The following LGSN variants were observed in gnomAD, a reference collection of about 807,000 sequenced individuals.
LGSN encodes lengsin, lens protein with glutamine synthetase domain.
LGSN carries 21 observed loss-of-function variants against 19.5 expected under a neutral mutation model. That is an observed-to-expected ratio of 1.07 (90% confidence interval 0.76 to 1.55). The LOEUF (loss-of-function observed/expected upper bound fraction) is 1.55. Ranked by LOEUF, LGSN falls within the 40% of genes most tolerant of loss-of-function variation. The probability of loss-of-function intolerance (pLI) is 0.00; values close to 1 mark genes in which losing one functional copy is unlikely to be tolerated. For synonymous variants in LGSN, 257 were observed against 215.6 expected (o/e 1.19, Z -1.68); for missense variants, 673 against 608.5 (o/e 1.11, Z -1.12).
At chr6:63,499,389 T>C in the LGSN span, among the ~76,000 whole-genome samples, 1,372 of 152,256 alleles carry the variant, frequency 9.0e-3, 38 homozygotes, top group African/African-American at 0.031. Context: ...AGCAACACTG[T>C]GCTCAACTCT....
chr6:63,514,107 C>T, the LGSN span, among the ~76,000 whole-genome samples: 1 of 152,078 alleles, frequency 6.6e-6, no homozygotes, highest in Non-Finnish European at 1.5e-5. Context: ...ATCATTTGGT[C>T]CCTGGTCCTG....
the LGSN span, among the ~76,000 whole-genome samples, chr6:63,529,706 G>C: frequency 3.9e-5 from 6 of 152,152 alleles, no homozygotes; most frequent in Non-Finnish European, 7.4e-5. Context: ...CAAGGGTGGA[G>C]GAAAAGGTTA....
the LGSN span, among the ~76,000 whole-genome samples, chr6:63,479,285 A>G: frequency 6.2e-4 from 94 of 152,340 alleles, no homozygotes; most frequent in African/African-American, 2.0e-3. Flanking sequence ...GAAAGGAAGT[A>G]ATAGATGCTG....
chr6:63,497,918 C>CTTTTTTTTTTTTTTTTTTTTTTTTTTTTT, the LGSN span, among the ~76,000 whole-genome samples: 4 of 121,906 alleles, frequency 3.3e-5, no homozygotes, highest in Non-Finnish European at 6.4e-5. Context: ...TGTCATGTTT[C>CTTTTTTTTTTTTTTTTTTTTTTTTTTTTT]TTTTTTTTTT....
the LGSN span, among the ~76,000 whole-genome samples, chr6:63,360,763 GT>G: frequency 8.5e-5 from 13 of 152,114 alleles, no homozygotes; most frequent in South Asian, 2.1e-4. Flanking sequence ...TTTCTGCTCT[GT>G]TTTTTTCCCC....
intron 1 of LGSN, among the ~76,000 whole-genome samples, chr6:63,318,020 A>G (rs1290090371): frequency 1.3e-5 from 2 of 151,858 alleles, no homozygotes; most frequent in Non-Finnish European, 2.9e-5. Flanking sequence ...ATACACCCAT[A>G]GGATCTACTT....
rs186488094 is a variant in LGSN at position 63,286,688 on chromosome 6, T to C, written c.164-935A>G. Reference sequence around the variant, plus strand: ...TCAGGCAAATAGTACACATTATAAATGTTAGTTGCTGTCAGAACTTTTAGG... The same window carrying C: ...TCAGGCAAATAGTACACATTATAAACGTTAGTTGCTGTCAGAACTTTTAGG... On this transcript the variant is annotated intron_variant, in intron 2 of 3. Coordinates refer to ENST00000370657, the MANE Select transcript of LGSN (RefSeq NM_016571.3). Among the ~76,000 whole-genome samples, 30 of 152,356 alleles carry C rather than the reference T, an allele frequency of 2.0e-4. 1 individual carries two copies. The highest frequency in any genetic ancestry group is 5.9e-4 in the Admixed American group (9 of 15,302).
At chr6:63,475,080 A>G in the LGSN span, among the ~76,000 whole-genome samples, 1 of 152,144 alleles carries the variant, frequency 6.6e-6, no homozygotes, top group Admixed American at 6.5e-5. Context: ...CCACTGTAAG[A>G]ACAATGACCT....
chr6:63,535,486 A>G, the LGSN span, among the ~76,000 whole-genome samples: 1 of 152,158 alleles, frequency 6.6e-6, no homozygotes, highest in African/African-American at 2.4e-5. Context: ...AAAAAAAGCA[A>G]TAATATGCAT....
the LGSN span, among the ~76,000 whole-genome samples, chr6:63,444,609 G>A: frequency 6.6e-6 from 1 of 152,168 alleles, no homozygotes; most frequent in African/African-American, 2.4e-5. Context: ...CCAGAAACTA[G>A]AAGGCCATTC....
At chr6:63,391,558 C>T in the LGSN span, among the ~76,000 whole-genome samples, 1 of 152,188 alleles carries the variant, frequency 6.6e-6, no homozygotes, top group Non-Finnish European at 1.5e-5. Flanking sequence ...ACCTCAAGGT[C>T]TGTGTTAGCT....
At chr6:63,391,946 T>C in the LGSN span, among the ~76,000 whole-genome samples, 13 of 152,282 alleles carry the variant, frequency 8.5e-5, no homozygotes, top group South Asian at 8.3e-4. Flanking sequence ...AGTCTTCTTT[T>C]AAGGAATCAA....
the LGSN span, among the ~76,000 whole-genome samples, chr6:63,399,623 T>C: frequency 6.6e-6 from 1 of 152,020 alleles, no homozygotes. Flanking sequence ...CTCGAACTCC[T>C]GACCTCAGAT....
chr6:63,374,673 T>C, the LGSN span, among the ~76,000 whole-genome samples: 1 of 152,246 alleles, frequency 6.6e-6, no homozygotes, highest in Non-Finnish European at 1.5e-5. Flanking sequence ...TGTTGTCTTA[T>C]GGTTTTGGAA....
the LGSN span, among the ~76,000 whole-genome samples, chr6:63,494,306 C>A: frequency 6.6e-6 from 1 of 151,980 alleles, no homozygotes; most frequent in East Asian, 1.9e-4. Context: ...AAGCAGCAGC[C>A]TATAGCAGCT....
chr6:63,400,534 T>C, the LGSN span, among the ~76,000 whole-genome samples: 4 of 152,238 alleles, frequency 2.6e-5, no homozygotes, highest in African/African-American at 7.2e-5. Flanking sequence ...ATTCATGCTC[T>C]ATCTTCTAAA....
At chr6:63,323,557 TATACACAC>T (rs1172547602), upstream of LGSN, among the ~76,000 whole-genome samples, 47 of 96,252 alleles carry the variant, frequency 4.9e-4, no homozygotes, top group African/African-American at 1.8e-3. Flanking sequence ...CAAAACCTCA[TATACACAC>T]ACACACACAC....
At chr6:63,416,707 A>T in the LGSN span, among the ~76,000 whole-genome samples, 1 of 151,742 alleles carries the variant, frequency 6.6e-6, no homozygotes, top group African/African-American at 2.4e-5. Context: ...AGCTGGGATT[A>T]CAGGCATCCA....
the LGSN span, among the ~76,000 whole-genome samples, chr6:63,330,985 G>T: frequency 1.3e-5 from 2 of 152,198 alleles, no homozygotes; most frequent in Admixed American, 6.6e-5. Context: ...GCCTTGATCT[G>T]TTTTAAATCA....
Sources: gnomAD v4.1 joint callset for allele counts (sites outside exome capture counted in the v4.1 genomes callset) on GRCh38, gnomAD v4.1.1 for gene constraint, MANE v1.5 for transcripts, NCBI Gene and HGNC (gene_info 2026-07-23, HGNC 2026-07-21) for gene names.